CREB3L2: variants seen among roughly 807,000 people sequenced by gnomAD.
CREB3L2 encodes cyclic AMP-responsive element-binding protein 3-like protein 2.
A neutral mutation model predicts 57.2 loss-of-function variants in CREB3L2; 23 were observed. The observed-to-expected ratio is 0.40, with a 90% CI of 0.29 to 0.57. The LOEUF (loss-of-function observed/expected upper bound fraction) is 0.57, where lower values mean the gene tolerates loss of function less well. CREB3L2 is among the 20% of genes least tolerant of loss of function. CREB3L2 has a pLI of 0.42. For synonymous variants in CREB3L2, 268 were observed against 265.1 expected (o/e 1.01, Z -0.11); for missense variants, 628 against 634.7 (o/e 0.99, Z 0.11).
chr7:137,876,298 G>A lies in CREB3L2; in HGVS notation c.*4178C>T, dbSNP rs1799149890. ...GGATTTACCTATAAGGCACATTTAA[G>A]GCACAAATGAGCATGTAAGGGAGGA... On this transcript the variant is annotated 3_prime_UTR_variant, in exon 12 of 12. Transcript: ENST00000330387. The A allele has an allele frequency of 4.3e-6, 1 of 231,688 alleles. No homozygotes were observed. The highest frequency in any genetic ancestry group is 2.2e-5 in the African/African-American group (1 of 45,098). 14.4% of individuals were successfully genotyped at this position (231,688 alleles called of 1,614,324 possible). A position where few individuals can be genotyped will look rare whatever the true frequency, so the allele number is the denominator to read the frequency against.
intron 1 of CREB3L2, among the ~76,000 whole-genome samples, chr7:137,930,974 G>A (rs1299215720): frequency 6.6e-6 from 1 of 151,124 alleles, no homozygotes; most frequent in Admixed American, 6.6e-5. Flanking sequence ...GCTCATGCCT[G>A]TAATCTCAGT....
At chr7:137,926,810 G>A (rs1320887741) in intron 2 of CREB3L2, among the ~76,000 whole-genome samples, 1 of 152,086 alleles carries the variant, frequency 6.6e-6, no homozygotes, top group Admixed American at 6.5e-5. Flanking sequence ...AAAATTTAAA[G>A]TACTAAAATA....
chr7:137,899,642 C>A (rs1563244278), intron 8 of CREB3L2, among the ~76,000 whole-genome samples: 1 of 152,184 alleles, frequency 6.6e-6, no homozygotes, highest in Admixed American at 6.5e-5. Flanking sequence ...AGCTCCCTTG[C>A]CTCATGAGAT....
chr7:137,939,523 A>AG (rs1441271515), intron 1 of CREB3L2, among the ~76,000 whole-genome samples: 1 of 152,252 alleles, frequency 6.6e-6, no homozygotes, highest in Non-Finnish European at 1.5e-5. Flanking sequence ...CGTATCAGGT[A>AG]GAGAAGTCCT....
At chr7:137,930,927 TA>T (rs34350375) in intron 1 of CREB3L2, among the ~76,000 whole-genome samples, 8,213 of 144,224 alleles carry the variant, frequency 0.057, 628 homozygotes, top group African/African-American at 0.19. Flanking sequence ...TCATTCCTTT[TA>T]AAAAAAAAAA....
chr7:137,913,663 CT>C (rs560708145), intron 3 of CREB3L2, among the ~76,000 whole-genome samples: 133 of 148,594 alleles, frequency 9.0e-4, no homozygotes, highest in African/African-American at 2.5e-3. Context: ...TATTCTGGTA[CT>C]TTTTTTTTTG....
At chr7:137,906,487 G>A (rs1359125245) in intron 5 of CREB3L2, among the ~76,000 whole-genome samples, 7 of 152,280 alleles carry the variant, frequency 4.6e-5, no homozygotes, top group African/African-American at 1.7e-4. Flanking sequence ...TTGCATTTTA[G>A]CTCCATACTA....
At position 137,878,699 on chromosome 7, in the gene CREB3L2, C is replaced by T. The variant is rs981121233; in HGVS notation, c.*1777G>A. ...TGAGAAGATGAACTTGGCCGCTTTCCAGGCTGGAACCGTCTCCAGCATAGC... is the reference window on the plus strand; with the variant it reads ...TGAGAAGATGAACTTGGCCGCTTTCTAGGCTGGAACCGTCTCCAGCATAGC... On this transcript the variant is annotated 3_prime_UTR_variant, in exon 12 of 12. Coordinates refer to ENST00000330387, the MANE Select transcript of CREB3L2 (RefSeq NM_194071.4). The T allele has an allele frequency of 4.3e-6, 1 of 233,946 alleles. No homozygotes were observed. Among genetic ancestry groups the T allele is most frequent in the Non-Finnish European group, 8.4e-6 (1 of 118,730 alleles). 14.5% of individuals were successfully genotyped at this position (233,946 alleles called of 1,614,324 possible).
chr7:137,941,686 C>T (rs1334641936), intron 1 of CREB3L2, among the ~76,000 whole-genome samples: 2 of 152,144 alleles, frequency 1.3e-5, no homozygotes, highest in African/African-American at 4.8e-5. Context: ...GAAAGGCAAG[C>T]TCCAGTATTT....
At chr7:137,929,923 A>C (rs1282531827) in intron 1 of CREB3L2, among the ~76,000 whole-genome samples, 1 of 150,386 alleles carries the variant, frequency 6.6e-6, no homozygotes, top group Non-Finnish European at 1.5e-5. Context: ...TTTGAGACGG[A>C]GTCTTGCTCT....
chr7:137,971,841 A>G (rs1210735929), intron 1 of CREB3L2, among the ~76,000 whole-genome samples: 1 of 152,138 alleles, frequency 6.6e-6, no homozygotes, highest in East Asian at 1.9e-4. Context: ...CCTACAAAAC[A>G]TACACTCAAT....
chr7:137,915,126 G>A (rs1400715931), intron 3 of CREB3L2, among the ~76,000 whole-genome samples: 1 of 152,128 alleles, frequency 6.6e-6, no homozygotes. Context: ...GGGAAGCTAA[G>A]ACAGGCTTCC....
chr7:137,916,040 T>TGAA (rs779740753), intron 2 of CREB3L2, 28 bp from the exon 3 acceptor site: 1 of 1,597,718 alleles, frequency 6.3e-7, no homozygotes, highest in Non-Finnish European at 8.5e-7. Context: ...AGCACACATG[T>TGAA]GAACTTGTTC....
rs1283854643 is a variant in CREB3L2 at position 137,947,339 on chromosome 7, A to G, written c.103-18973T>C. ...AAACTAATATACCCACTAACTGGCT[A>G]CATCTCTGTCCACTCCCTCACCTAC... On this transcript the variant is annotated intron_variant, in intron 1 of 11. Transcript: ENST00000330387. Among the ~76,000 whole-genome samples, 2 of 152,082 alleles carry G rather than the reference A, an allele frequency of 1.3e-5. 1 individual carries two copies. The highest frequency in any genetic ancestry group is 6.3e-3 in the Middle Eastern group (2 of 316).
chr7:137,882,347 G>A (rs1337625149), intron 11 of CREB3L2, 65 bp downstream of exon 11: 2 of 1,231,906 alleles, frequency 1.6e-6, no homozygotes, highest in Non-Finnish European at 2.4e-6. Context: ...TCACATCTCA[G>A]GTTGCTGACT....
intron 1 of CREB3L2, among the ~76,000 whole-genome samples, chr7:137,940,945 G>C (rs1409303850): frequency 6.6e-6 from 1 of 152,248 alleles, no homozygotes; most frequent in South Asian, 2.1e-4. Flanking sequence ...TCCACCCCAA[G>C]ATAAGAGCTA....
chr7:137,907,184 G>A (rs1341672517), intron 5 of CREB3L2, among the ~76,000 whole-genome samples: 1 of 152,188 alleles, frequency 6.6e-6, no homozygotes, highest in African/African-American at 2.4e-5. Flanking sequence ...CCTAGTGTGG[G>A]TAAGGAGTTC....
chr7:137,906,343 C>T (rs1313128795), intron 5 of CREB3L2, among the ~76,000 whole-genome samples: 1 of 152,202 alleles, frequency 6.6e-6, no homozygotes, highest in African/African-American at 2.4e-5. Context: ...GACACATCTG[C>T]AGACTCTTTC....
chr7:137,984,128 C>G (rs1409922747), intron 1 of CREB3L2, among the ~76,000 whole-genome samples: 1 of 152,236 alleles, frequency 6.6e-6, no homozygotes, highest in East Asian at 1.9e-4. Flanking sequence ...AGCCATCTCA[C>G]AGGTCCCGAC....
Sources: gnomAD v4.1 joint callset for allele counts (sites outside exome capture counted in the v4.1 genomes callset) on GRCh38, gnomAD v4.1.1 for gene constraint, MANE v1.5 for transcripts, NCBI Gene and HGNC (gene_info 2026-07-23, HGNC 2026-07-21) for gene names.